PDE10A: variants seen among roughly 807,000 people sequenced by gnomAD.
PDE10A encodes phosphodiesterase 10A.
PDE10A carries 39 observed loss-of-function variants against 97.7 expected under a neutral mutation model. The observed-to-expected ratio is 0.40, with a 90% confidence interval of 0.31 to 0.52. The LOEUF (loss-of-function observed/expected upper bound fraction) is 0.52. Among genes scored for constraint, PDE10A ranks in the 20% least tolerant of loss-of-function variants. PDE10A has a pLI of 0.56. For missense variants in PDE10A, 731 were observed against 1,047.8 expected (o/e 0.70, Z 4.17); for synonymous variants, 371 against 376.8 (o/e 0.98, Z 0.18).
chr6:165,832,306 C>A (rs1349199458), intron 1 of PDE10A, among the ~76,000 whole-genome samples: 1 of 152,018 alleles, frequency 6.6e-6, no homozygotes, highest in Non-Finnish European at 1.5e-5. Context: ...GAAACAGCCG[C>A]TCTCATTCAA....
chr6:165,521,970 C>G (rs1284122902), intron 2 of PDE10A, among the ~76,000 whole-genome samples: 9 of 152,198 alleles, frequency 5.9e-5, no homozygotes, highest in Non-Finnish European at 1.3e-4. Context: ...ATAATTTCCT[C>G]AAGGTTCAAC....
intron 1 of PDE10A, among the ~76,000 whole-genome samples, chr6:165,926,929 T>C (rs945294055): frequency 2.6e-5 from 4 of 152,194 alleles, no homozygotes; most frequent in African/African-American, 9.7e-5. Flanking sequence ...GAGGGGTTGA[T>C]TGGAGTTTAC....
chr6:165,732,496 G>A (rs1792463681), intron 1 of PDE10A, among the ~76,000 whole-genome samples: 1 of 152,184 alleles, frequency 6.6e-6, no homozygotes. Flanking sequence ...GCAGGTGGGC[G>A]ACTCCACTGG....
intron 3 of PDE10A, among the ~76,000 whole-genome samples, chr6:165,463,457 G>A (rs751718688): frequency 1.8e-4 from 27 of 152,228 alleles, no homozygotes; most frequent in Non-Finnish European, 3.8e-4. Flanking sequence ...AGTGCTTAAA[G>A]GAGCTGCAGA....
chr6:165,968,144 G>T (rs533604731), intron 1 of PDE10A, among the ~76,000 whole-genome samples: 1 of 152,304 alleles, frequency 6.6e-6, no homozygotes, highest in South Asian at 2.1e-4. Flanking sequence ...CTCCATCAGG[G>T]AATGACAGAG....
intron 1 of PDE10A, among the ~76,000 whole-genome samples, chr6:165,729,194 T>G (rs1239363319): frequency 7.2e-6 from 1 of 139,268 alleles, no homozygotes. Context: ...AGAGGGAGAC[T>G]CCATCTCAAA....
At chr6:165,686,077 G>C (rs994433726) in intron 1 of PDE10A, among the ~76,000 whole-genome samples, 2 of 151,618 alleles carry the variant, frequency 1.3e-5, no homozygotes, top group African/African-American at 4.9e-5. Flanking sequence ...CACTGCAGTA[G>C]AATTCAGAGC....
chr6:165,650,564 T>C (rs532002810), intron 1 of PDE10A, among the ~76,000 whole-genome samples: 1 of 152,332 alleles, frequency 6.6e-6, no homozygotes, highest in African/African-American at 2.4e-5. Context: ...GAAGATCTTC[T>C]GGACATTCGT....
intron 2 of PDE10A, among the ~76,000 whole-genome samples, chr6:165,486,396 G>A (rs1779920361): frequency 6.6e-6 from 1 of 152,186 alleles, no homozygotes; most frequent in South Asian, 2.1e-4. Context: ...AGGTCAAACA[G>A]GTCGCTTCTG....
chr6:165,410,473 A>C (rs1472812886), intron 13 of PDE10A, among the ~76,000 whole-genome samples: 1 of 119,814 alleles, frequency 8.3e-6, no homozygotes, highest in Non-Finnish European at 1.7e-5. Flanking sequence ...AAAAGTTCCG[A>C]AGATGAAAAT....
At chr6:165,539,340 G>A (rs1783283240) in intron 2 of PDE10A, among the ~76,000 whole-genome samples, 2 of 152,142 alleles carry the variant, frequency 1.3e-5, no homozygotes, top group Admixed American at 6.5e-5. Flanking sequence ...GATCTTTGAG[G>A]AGTTGTCATG....
intron 1 of PDE10A, among the ~76,000 whole-genome samples, chr6:165,875,456 T>TA (rs757567185): frequency 6.6e-6 from 1 of 152,322 alleles, no homozygotes; most frequent in South Asian, 2.1e-4. Context: ...TAATAGTCGT[T>TA]ACAGATATTT....
intron 1 of PDE10A, among the ~76,000 whole-genome samples, chr6:165,645,402 A>G (rs1266853078): frequency 2.0e-5 from 3 of 152,152 alleles, no homozygotes; most frequent in African/African-American, 4.8e-5. Context: ...GGAAACCCAA[A>G]TAGAAAACTG....
intron 1 of PDE10A, among the ~76,000 whole-genome samples, chr6:165,829,777 G>A (rs1779858811): frequency 6.6e-6 from 1 of 152,184 alleles, no homozygotes; most frequent in African/African-American, 2.4e-5. Context: ...TATCTGGCAT[G>A]GAGGAGATGT....
At chr6:165,577,702 G>A (rs979957980) in intron 1 of PDE10A, among the ~76,000 whole-genome samples, 7 of 152,166 alleles carry the variant, frequency 4.6e-5, no homozygotes, top group African/African-American at 1.7e-4. Flanking sequence ...TTCAAGACTG[G>A]ACTAGAGCAG....
At chr6:165,942,745 C>T (rs191201386) in intron 1 of PDE10A, among the ~76,000 whole-genome samples, 475 of 152,226 alleles carry the variant, frequency 3.1e-3, no homozygotes, top group African/African-American at 0.011. Flanking sequence ...GCTTTAACCT[C>T]GACAGTGTGC....
At chr6:165,672,457 A>G (rs567966362) in intron 1 of PDE10A, among the ~76,000 whole-genome samples, 1 of 152,368 alleles carries the variant, frequency 6.6e-6, no homozygotes, top group Non-Finnish European at 1.5e-5. Context: ...AACTTATTGA[A>G]TACTGTCCTG....
intron 6 of PDE10A, among the ~76,000 whole-genome samples, chr6:165,433,825 C>T (rs950023794): frequency 2.0e-5 from 3 of 151,802 alleles, no homozygotes; most frequent in African/African-American, 4.8e-5. Context: ...ACCATCCTGG[C>T]TAACACAGTG....
At chr6:165,448,060 T>C (rs1299142083) in intron 5 of PDE10A, among the ~76,000 whole-genome samples, 1 of 152,210 alleles carries the variant, frequency 6.6e-6, no homozygotes, top group Non-Finnish European at 1.5e-5. Flanking sequence ...ACATTGTATA[T>C]AATGTACATA....
Sources: gnomAD v4.1 joint callset for allele counts (sites outside exome capture counted in the v4.1 genomes callset) on GRCh38, gnomAD v4.1.1 for gene constraint, MANE v1.5 for transcripts, NCBI Gene and HGNC (gene_info 2026-07-23, HGNC 2026-07-21) for gene names.